Variants in NR2C2 observed in about 807,000 individuals in gnomAD.
The protein encoded by NR2C2 is Nuclear hormone receptor TR4.
Under a neutral mutation model 62.9 loss-of-function variants are expected in NR2C2, and 6 were observed. The observed-to-expected ratio is 0.10, with a 90% CI of 0.05 to 0.19. The LOEUF (loss-of-function observed/expected upper bound fraction) is 0.19, where lower values mean the gene tolerates loss of function less well. Among genes scored for constraint, NR2C2 ranks in the 10% least tolerant of loss-of-function variants. The pLI, the probability that NR2C2 is intolerant of heterozygous loss-of-function variation, is 1.00. For missense variants in NR2C2, 479 were observed against 762.7 expected (o/e 0.63, Z 4.38); for synonymous variants, 272 against 273.8 (o/e 0.99, Z 0.07).
At chr3:15,034,451 T>C in intron 10 of NR2C2, 1 of 478,608 alleles carries the variant, frequency 2.1e-6, no homozygotes, top group Non-Finnish European at 3.7e-6. Flanking sequence ...GAATGTTTTT[T>C]AAGAGAATAG....
chr3:14,948,016 T>A (rs1268075118), intron 1 of NR2C2, 110 bp downstream of exon 1: 1 of 150,898 alleles, frequency 6.6e-6, no homozygotes, highest in Non-Finnish European at 1.5e-5. Flanking sequence ...CTTTTACCTT[T>A]GCCACGGGGT....
chr3:15,002,187 G>A lies in NR2C2; in HGVS notation c.-39-1689G>A, dbSNP rs149557542. Reference sequence around the variant, plus strand: ...GAAGGAAAGCTTTTAGTCTTTTACCGCTAAGTATACTGTATAGCTGTGAGT... The same window carrying A: ...GAAGGAAAGCTTTTAGTCTTTTACCACTAAGTATACTGTATAGCTGTGAGT... On this transcript the variant is annotated intron_variant, in intron 1 of 13. Coordinates refer to ENST00000425241, the MANE Select transcript of NR2C2 (RefSeq NM_001291694.2). Among the ~76,000 whole-genome samples, 75 of 152,170 alleles carry A rather than the reference G, an allele frequency of 4.9e-4. 1 individual carries two copies. The East Asian group carries it at 0.014, about 28-fold the overall frequency.
chr3:15,047,986 C>G lies in NR2C2; in HGVS notation c.*4978C>G, dbSNP rs2042515261. On this transcript the variant is annotated 3_prime_UTR_variant, in exon 14 of 14. Transcript: ENST00000425241. ...TCTGGCCTTAAACTGAGACTCGGCC[C>G]TTGAGAGCCAGGGCCTGGCCCAGCA... 6.6e-6 allele frequency: 1 copy of G among 152,506 alleles called. No individual in the cohort carries two copies. The highest frequency in any genetic ancestry group is 6.5e-5 in the Admixed American group (1 of 15,286). The allele number at this position is 152,506 out of a possible 1,614,324, so 9.4% of individuals were successfully genotyped here.
chr3:15,001,504 T>C (rs2124916278), intron 1 of NR2C2, among the ~76,000 whole-genome samples: 1 of 152,126 alleles, frequency 6.6e-6, no homozygotes, highest in South Asian at 2.1e-4. Flanking sequence ...CGGCTTATTT[T>C]TGTGTTTTTT....
intron 1 of NR2C2, among the ~76,000 whole-genome samples, chr3:14,965,632 TC>T (rs1324316320): frequency 5.1e-5 from 7 of 137,412 alleles, no homozygotes; most frequent in African/African-American, 2.1e-4. Flanking sequence ...TTCCTAGATT[TC>T]CTTGCTGTTT....
intron 3 of NR2C2, 123 bp downstream of exon 3, chr3:15,013,912 A>G: frequency 1.0e-6 from 1 of 998,200 alleles, no homozygotes; most frequent in South Asian, 1.5e-5. Flanking sequence ...ACCTGCAAAC[A>G]TGGCAGGTTG....
intron 10 of NR2C2, among the ~76,000 whole-genome samples, chr3:15,033,198 G>A (rs1453747377): frequency 1.3e-5 from 2 of 152,202 alleles, no homozygotes; most frequent in Non-Finnish European, 2.9e-5. Context: ...GAAAACACTA[G>A]AATGGAGGGC....
chr3:14,980,401 C>T (rs1375684677), intron 1 of NR2C2, among the ~76,000 whole-genome samples: 1 of 152,074 alleles, frequency 6.6e-6, no homozygotes, highest in Non-Finnish European at 1.5e-5. Flanking sequence ...GGCCTCAAGC[C>T]ATTCTCCTGC....
At chr3:14,985,293 G>C (rs986133155) in intron 1 of NR2C2, among the ~76,000 whole-genome samples, 1 of 151,960 alleles carries the variant, frequency 6.6e-6, no homozygotes, top group Admixed American at 6.6e-5. Flanking sequence ...TTTGATAGTG[G>C]TTGTTTTAAA....
At chr3:15,041,316 T>G (rs929387151) in intron 13 of NR2C2, among the ~76,000 whole-genome samples, 2 of 152,210 alleles carry the variant, frequency 1.3e-5, no homozygotes, top group African/African-American at 2.4e-5. Context: ...TCTTTGTATC[T>G]CTGCTGATAG....
chr3:15,019,191 C>T (rs1479627792), intron 4 of NR2C2, among the ~76,000 whole-genome samples: 1 of 151,452 alleles, frequency 6.6e-6, no homozygotes, highest in Non-Finnish European at 1.5e-5. Flanking sequence ...ATGGCCACTG[C>T]ACTCCAGTCT....
intron 7 of NR2C2, chr3:15,027,019 A>C (rs2041841074): frequency 6.6e-6 from 1 of 152,358 alleles, no homozygotes. Flanking sequence ...GGTGCGTGCC[A>C]CCACACCCAG....
rs968179272 is a variant in NR2C2, at chr3:15,047,159, AAG to A, written c.*4156_*4157del. 15 of 152,752 alleles carry A rather than the reference AAG, an allele frequency of 9.8e-5. No individual in the cohort carries two copies. The highest frequency in any genetic ancestry group is 3.4e-4 in the African/African-American group (14 of 41,560). 9.5% of individuals were successfully genotyped at this position (152,752 alleles called of 1,614,324 possible). A position where few individuals can be genotyped will look rare whatever the true frequency, so the allele number is the denominator to read the frequency against. ...AGACATGTATCCAAACTTTCCTTTA[AAG>A]AGAGTTTTTCATAAAGTTGCTAATG... On this transcript the variant is annotated 3_prime_UTR_variant, in exon 14 of 14. Transcript: ENST00000425241.
intron 2 of NR2C2, 98 bp downstream of exon 2, chr3:15,004,084 G>A (rs2041098962): frequency 4.3e-6 from 4 of 930,878 alleles, no homozygotes; most frequent in African/African-American, 3.4e-5. Context: ...GTGCCTTTTG[G>A]GCATGAAATA....
At chr3:15,042,715 G>C in intron 13 of NR2C2, 119 bp from the exon 14 acceptor site, 1 of 812,380 alleles carries the variant, frequency 1.2e-6, no homozygotes, top group Non-Finnish European at 2.0e-6. Flanking sequence ...GAGGTGGGTG[G>C]ATGGTGGATC....
intron 1 of NR2C2, among the ~76,000 whole-genome samples, chr3:14,999,876 G>C (rs772579485): frequency 2.6e-5 from 4 of 151,822 alleles, no homozygotes; most frequent in Non-Finnish European, 5.9e-5. Context: ...TCTTTATGCC[G>C]GTACTGCAAT....
intron 1 of NR2C2, among the ~76,000 whole-genome samples, chr3:14,950,825 C>T (rs1020538003): frequency 3.9e-5 from 6 of 151,904 alleles, no homozygotes; most frequent in Non-Finnish European, 5.9e-5. Context: ...TCACTGATAA[C>T]TAAGTTGCTG....
At chr3:15,042,084 A>G (rs1228584935) in intron 13 of NR2C2, among the ~76,000 whole-genome samples, 2 of 152,112 alleles carry the variant, frequency 1.3e-5, no homozygotes, top group Non-Finnish European at 1.5e-5. Context: ...GCTGTCACAC[A>G]TGGCACTGCA....
intron 1 of NR2C2, among the ~76,000 whole-genome samples, chr3:14,952,306 C>T (rs909248456): frequency 5.9e-5 from 9 of 152,102 alleles, no homozygotes; most frequent in Non-Finnish European, 1.2e-4. Flanking sequence ...TGTCTTCAGC[C>T]GTGGCACTGA....
Sources: allele counts gnomAD v4.1 joint callset (sites outside exome capture counted in the v4.1 genomes callset), GRCh38; gene constraint gnomAD v4.1.1; transcripts MANE v1.5; gene names NCBI Gene and HGNC (gene_info 2026-07-23, HGNC 2026-07-21).